Variants in SETX observed in about 807,000 individuals in gnomAD.
The protein encoded by SETX is senataxin, also known as helicase senataxin.
SETX carries 90 observed loss-of-function variants against 227.2 expected under a neutral mutation model. The ratio of observed to expected loss-of-function variants is 0.40; its 90% confidence interval spans 0.33 to 0.47. SETX has a LOEUF of 0.47. Ranked by LOEUF, SETX falls within the 20% of genes least tolerant of loss-of-function variation. The pLI, the probability that SETX is intolerant of heterozygous loss-of-function variation, is 0.91. For missense variants in SETX, 3,052 were observed against 3,181.5 expected, an observed-to-expected ratio of 0.96 and a Z score of 0.98; for synonymous variants, 1,210 against 1,113.2, an observed-to-expected ratio of 1.09 and a Z score of -1.73.
rs1157691529 is a variant in SETX, at chr9:132,335,390, CAAAAAAAA to C, written c.719-671_719-664del. On this transcript the variant is annotated intron_variant, in intron 6 of 25. Transcript: ENST00000224140. ...TGGGCGACAGAGCAAGACTCCGTCT[CAAAAAAAA>C]AAAAAAAAAAAAAAAAAAGTATTTT... Among the ~76,000 whole-genome samples, 8 of 52,016 alleles carry C rather than the reference CAAAAAAAA, an allele frequency of 1.5e-4. No homozygotes were observed. The South Asian group carries it at 7.1e-3, about 46-fold the overall frequency. The allele number at this position is 52,016 out of a possible 152,430, so 34.1% of individuals were successfully genotyped here.
chr9:132,268,566 C>A (rs1292773411), intron 25 of SETX, among the ~76,000 whole-genome samples: 4 of 151,658 alleles, frequency 2.6e-5, no homozygotes, highest in Admixed American at 6.5e-5. Flanking sequence ...GCTTTTAATT[C>A]TAAAAAGAGA....
intron 18 of SETX, among the ~76,000 whole-genome samples, chr9:132,285,651 G>T (rs1275369899): frequency 1.3e-5 from 2 of 151,678 alleles, no homozygotes; most frequent in African/African-American, 2.4e-5. Flanking sequence ...GGAGGCCGAG[G>T]TGGGCGGATC....
chr9:132,276,512 C>G (rs1485229363), intron 22 of SETX, among the ~76,000 whole-genome samples: 1 of 152,180 alleles, frequency 6.6e-6, no homozygotes, highest in South Asian at 2.1e-4. Flanking sequence ...TGTATCCGTG[C>G]CAACAAATGC....
Position 132,317,256 on chromosome 9 carries a change from G to A in SETX, c.5275-5400C>T, listed in dbSNP as rs541295778. Among the ~76,000 whole-genome samples, 5 of 151,998 alleles carry A rather than the reference G, an allele frequency of 3.3e-5. No homozygotes were observed. The East Asian group carries it at 7.7e-4, about 23-fold the overall frequency. On this transcript the variant is annotated intron_variant, in intron 10 of 25. Coordinates refer to ENST00000224140, the MANE Select transcript of SETX (RefSeq NM_015046.7). ...GCTACTGCTGCCACAGGGACACTAC[G>A]TATTTTTTTGCACATCCATCTTGTG... is the stretch of plus-strand genomic sequence containing the variant.
chr9:132,305,553 C>T (rs985735623), intron 11 of SETX, among the ~76,000 whole-genome samples: 5 of 152,090 alleles, frequency 3.3e-5, no homozygotes, highest in African/African-American at 1.2e-4. Context: ...GATTTATCAA[C>T]GTCATGTACC....
intron 6 of SETX, among the ~76,000 whole-genome samples, chr9:132,335,165 C>A (rs143151481): frequency 6.6e-6 from 1 of 151,650 alleles, no homozygotes; most frequent in Non-Finnish European, 1.5e-5. Context: ...CCAAGGCGGG[C>A]AGATCACAAA....
chr9:132,354,461 A>G (rs1848781803), intron 1 of SETX, among the ~76,000 whole-genome samples: 1 of 146,516 alleles, frequency 6.8e-6, no homozygotes, highest in Non-Finnish European at 1.5e-5. Flanking sequence ...GTTCCACTGC[A>G]CTTCAGCCTG....
chr9:132,290,072 G>C (rs1185842167), intron 15 of SETX, among the ~76,000 whole-genome samples: 1 of 151,666 alleles, frequency 6.6e-6, no homozygotes, highest in African/African-American at 2.4e-5. Context: ...AGCCAGGCAT[G>C]GTGGCACACA....
At chr9:132,292,415 CAAAAA>C (rs60253119) in intron 15 of SETX, among the ~76,000 whole-genome samples, 6,763 of 60,740 alleles carry the variant, frequency 0.11, 66 homozygotes, top group East Asian at 0.32. Flanking sequence ...AGCTGGGGTA[CAAAAA>C]AAAAAAAAAA....
In SETX at chr9:132,278,437, C is replaced by CTTTTTTTTT. The variant is rs67558000; in HGVS notation, c.6655-189_6655-181dup. Among the ~76,000 whole-genome samples, 11 of 84,868 alleles carry CTTTTTTTTT rather than the reference C, an allele frequency of 1.3e-4. 2 individuals are homozygous for CTTTTTTTTT. The highest frequency in any genetic ancestry group is 2.5e-4 in the Non-Finnish European group (10 of 40,168). The allele number at this position is 84,868 out of a possible 152,430, so 55.7% of individuals were successfully genotyped here. A position where few individuals can be genotyped will look rare whatever the true frequency, so the allele number is the denominator to read the frequency against. On this transcript the variant is annotated intron_variant, in intron 20 of 25. Transcript: ENST00000224140. ...CTCTGAGCCTCAAAATGCCATGAATCTTTTTTTTTTTTTTTTTTTTTTTTT... is the reference window on the plus strand; with the variant it reads ...CTCTGAGCCTCAAAATGCCATGAATCTTTTTTTTTTTTTTTTTTTTTTTTTTTTTTTTTT...
chr9:132,328,338 G>C lies in SETX; in HGVS notation c.3260C>G (p.Ser1087Cys). The C allele has an allele frequency of 6.2e-7, 1 of 1,614,040 alleles. No homozygotes were observed. The highest frequency in any genetic ancestry group is 8.5e-7 in the Non-Finnish European group (1 of 1,180,016). ...DSQCFEFESS[S>C]EVFSVWQDHP... ...ATCTTGCCAAACTGAAAACACTTCAGATGAACTTTCAAACTCAAAACACTG... is the reference window on the plus strand; with the variant it reads ...ATCTTGCCAAACTGAAAACACTTCACATGAACTTTCAAACTCAAAACACTG... Residue 1087 changes from serine to cysteine, a missense_variant, in exon 10 of 26, where the codon TCT becomes TGT. Transcript: ENST00000224140.
chr9:132,276,133 C>T (rs1843150281), intron 22 of SETX, among the ~76,000 whole-genome samples: 1 of 152,198 alleles, frequency 6.6e-6, no homozygotes. Context: ...GGCTACCTTA[C>T]CCGCCTTGCT....
rs1842430870 is a variant in SETX, at chr9:132,262,030, A to T, written c.*2209T>A. 1 of 153,708 alleles carries T rather than the reference A, an allele frequency of 6.5e-6. No individual in the cohort carries two copies. Among genetic ancestry groups the T allele is most frequent in the African/African-American group, 2.4e-5 (1 of 41,508 alleles). 9.5% of individuals were successfully genotyped at this position (153,708 alleles called of 1,614,324 possible). A position where few individuals can be genotyped will look rare whatever the true frequency, so the allele number is the denominator to read the frequency against. Reference sequence around the variant, plus strand: ...CCAACTGGAACGAGTGAAGTTTCAAAAGTAATGTGAGGTACAACTGCATTC... The same window carrying T: ...CCAACTGGAACGAGTGAAGTTTCAATAGTAATGTGAGGTACAACTGCATTC... On this transcript the variant is annotated 3_prime_UTR_variant, in exon 26 of 26. Transcript: ENST00000224140.
intron 14 of SETX, 66 bp from the exon 15 acceptor site, chr9:132,296,094 G>T (rs1405258985): frequency 1.5e-5 from 23 of 1,578,592 alleles, no homozygotes; most frequent in Non-Finnish European, 2.0e-5. Flanking sequence ...CTATTACATA[G>T]CTTTAAAGTT....
intron 5 of SETX, among the ~76,000 whole-genome samples, chr9:132,340,817 G>T (rs1847911521): frequency 6.6e-6 from 1 of 152,168 alleles, no homozygotes; most frequent in Non-Finnish European, 1.5e-5. Flanking sequence ...TTGGATGCAG[G>T]TTTTATTCAT....
intron 22 of SETX, 72 bp from the exon 23 acceptor site, chr9:132,275,492 A>ACTG: frequency 7.4e-7 from 1 of 1,344,936 alleles, no homozygotes; most frequent in East Asian, 2.4e-5. Flanking sequence ...CTTAAGTTCC[A>ACTG]CTGAGTTTGT....
At position 132,328,176 on chromosome 9, in the gene SETX, T is replaced by A. The variant is rs1554820904; in HGVS notation, c.3422A>T (p.His1141Leu). The change falls in exon 10 of 26, where the codon CAC becomes CTC. Residue 1141 changes from histidine (H) to leucine (L), a missense_variant. Around this residue, in one of 10 missense-constraint regions of SETX, gnomAD observed 1,483 missense variants for 1,312.0 expected, o/e 1.13. Transcript: ENST00000224140. ...AACAGAAATACTCCGTGGTCTTGTG[T>A]GTTCTTCAATGCCCTCTGCTCCTTT... ...VKKGAEGIEEHTRPRSISVEE... is the reference protein window; with the variant it reads ...VKKGAEGIEELTRPRSISVEE... 1.2e-6 allele frequency: 2 copies of A among 1,614,204 alleles called. No homozygotes were observed. The highest frequency in any genetic ancestry group is 1.7e-6 in the Non-Finnish European group (2 of 1,180,042).
At chr9:132,278,722 G>A (rs967186154) in intron 20 of SETX, among the ~76,000 whole-genome samples, 4 of 152,148 alleles carry the variant, frequency 2.6e-5, no homozygotes, top group African/African-American at 9.6e-5. Context: ...CTATTTTGAT[G>A]CTACAAGACG....
At chr9:132,274,083 A>AT (rs1308420455) in intron 23 of SETX, among the ~76,000 whole-genome samples, 49 of 151,416 alleles carry the variant, frequency 3.2e-4, no homozygotes, top group African/African-American at 1.2e-3. Context: ...TATCATATTG[A>AT]TTTTCATATG....
Sources: allele counts gnomAD v4.1 joint callset (sites outside exome capture counted in the v4.1 genomes callset), GRCh38; gene constraint gnomAD v4.1.1; regional missense constraint gnomAD v4.1.1; transcripts MANE v1.5; gene names NCBI Gene and HGNC (gene_info 2026-07-23, HGNC 2026-07-21).